PPP4R3B: variants seen among roughly 807,000 people sequenced by gnomAD.
PPP4R3B encodes protein phosphatase 4 regulatory subunit 3B, also known as serine/threonine-protein phosphatase 4 regulatory subunit 3B.
In PPP4R3B, 52 loss-of-function variants were observed where a neutral mutation model predicts 95.4. The observed-to-expected ratio is 0.54, with a 90% confidence interval of 0.44 to 0.69. The LOEUF (loss-of-function observed/expected upper bound fraction) is 0.69. PPP4R3B is among the 30% of genes least tolerant of loss of function. PPP4R3B has a pLI of 0.00. For missense variants in PPP4R3B, 1,003 were observed against 1,005.9 expected, an observed-to-expected ratio of 1.00 and a Z score of 0.04; for synonymous variants, 407 against 343.9, an observed-to-expected ratio of 1.18 and a Z score of -2.03.
At chr2:55,611,473 T>C (rs550267133) in intron 2 of PPP4R3B, among the ~76,000 whole-genome samples, 1 of 152,240 alleles carries the variant, frequency 6.6e-6, no homozygotes, top group East Asian at 1.9e-4. Context: ...CTTAAGTTTA[T>C]TGGGTAAGTA....
intron 4 of PPP4R3B, among the ~76,000 whole-genome samples, chr2:55,596,959 C>T (rs1041992436): frequency 8.6e-5 from 13 of 151,862 alleles, no homozygotes; most frequent in African/African-American, 2.4e-4. Flanking sequence ...AGTGAAACTC[C>T]GTCTCAAAAT....
chr2:55,577,310 C>G lies in PPP4R3B; in HGVS notation c.1606+5G>C. ...TGTATTCATAAAGTATGAATTCATACTTACCGGGACAAATTGTGTTGTTTT... is the reference window on the plus strand; with the variant it reads ...TGTATTCATAAAGTATGAATTCATAGTTACCGGGACAAATTGTGTTGTTTT... On this transcript the variant is annotated splice_donor_5th_base_variant and intron_variant, in intron 11 of 16. Coordinates refer to ENST00000616407, the MANE Select transcript of PPP4R3B (RefSeq NM_001122964.3). The G allele has an allele frequency of 6.4e-7, 1 of 1,551,238 alleles. No individual in the cohort carries two copies. Among genetic ancestry groups the G allele is most frequent in the Non-Finnish European group, 8.7e-7 (1 of 1,155,010 alleles).
At chr2:55,564,804 A>G (rs985540611) in intron 14 of PPP4R3B, 98 bp downstream of exon 14, 3 of 1,437,488 alleles carry the variant, frequency 2.1e-6, no homozygotes, top group Non-Finnish European at 2.9e-6. Flanking sequence ...CAGTGATGGA[A>G]AGAAAATTCC....
chr2:55,608,065 G>T (rs188506224), intron 2 of PPP4R3B, among the ~76,000 whole-genome samples: 2 of 152,270 alleles, frequency 1.3e-5, no homozygotes, highest in South Asian at 4.1e-4. Context: ...GAATGCAGTG[G>T]TGCAATCTTG....
chr2:55,562,084 T>C (rs776086977), intron 15 of PPP4R3B, among the ~76,000 whole-genome samples: 25 of 152,138 alleles, frequency 1.6e-4, no homozygotes, highest in Admixed American at 1.2e-3. Context: ...CCCCTTGCTA[T>C]TTTTGTGATA....
At chr2:55,555,364 TA>T (rs1334925034) in intron 16 of PPP4R3B, among the ~76,000 whole-genome samples, 2 of 151,916 alleles carry the variant, frequency 1.3e-5, no homozygotes, top group African/African-American at 4.8e-5. Flanking sequence ...AAATCTGCCT[TA>T]TTTTTTTTTA....
At chr2:55,576,200 T>A (rs1012707163) in intron 11 of PPP4R3B, among the ~76,000 whole-genome samples, 5 of 151,716 alleles carry the variant, frequency 3.3e-5, no homozygotes, top group Non-Finnish European at 7.4e-5. Context: ...TACAAAAAAA[T>A]TAGTTGGGCG....
At chr2:55,599,458 A>G (rs35255044) in intron 3 of PPP4R3B, among the ~76,000 whole-genome samples, 24,622 of 152,144 alleles carry the variant, frequency 0.16, 2,144 homozygotes, top group East Asian at 0.29. Flanking sequence ...ATAAAAAATT[A>G]AAATAAAATA....
chr2:55,573,242 G>A (rs1055079479), intron 12 of PPP4R3B, among the ~76,000 whole-genome samples: 1 of 152,100 alleles, frequency 6.6e-6, no homozygotes, highest in African/African-American at 2.4e-5. Flanking sequence ...TTATGAAGGT[G>A]ACAGTTTATA....
intron 3 of PPP4R3B, among the ~76,000 whole-genome samples, chr2:55,601,327 G>A (rs934745847): frequency 1.3e-5 from 2 of 151,772 alleles, no homozygotes; most frequent in African/African-American, 4.8e-5. Flanking sequence ...GAGTGACACT[G>A]CTCTGGGAGA....
At chr2:55,559,890 G>A (rs1686369837) in intron 15 of PPP4R3B, among the ~76,000 whole-genome samples, 1 of 152,212 alleles carries the variant, frequency 6.6e-6, no homozygotes, top group South Asian at 2.1e-4. Context: ...GGGTGGCTGA[G>A]GAGGGTGGAT....
Position 55,564,396 on chromosome 2 carries a change from T to A in PPP4R3B, c.2177A>T (p.Lys726Ile), listed in dbSNP as rs767702898. 6.2e-7 allele frequency: 1 copy of A among 1,613,952 alleles called. No homozygotes were observed. Among genetic ancestry groups the A allele is most frequent in the Non-Finnish European group, 8.5e-7 (1 of 1,179,920 alleles). Residue 726 changes from lysine (K) to isoleucine (I), a missense_variant, in exon 15 of 17, where the codon AAA becomes ATA. Lys to Ile is a moderately radical substitution (Grantham distance 102, BLOSUM62 -3). This residue lies in a region of PPP4R3B where 229 missense variants were observed against 194.7 expected (regional missense o/e 1.18). Transcript: ENST00000616407. ...TTTTTCCACTGGTGCCACAACTGCT[T>A]TTCCTTCCTCTTCTTCATCTTCATT... ...WFNEDEEEEG[K>I]AVVAPVEKPK...
intron 4 of PPP4R3B, among the ~76,000 whole-genome samples, chr2:55,594,292 G>C (rs1208010808): frequency 1.8e-5 from 2 of 110,230 alleles, no homozygotes; most frequent in African/African-American, 3.1e-5. Flanking sequence ...TGTGCCCTCT[G>C]AATCTAAAAT....
chr2:55,571,745 C>T (rs1485648878), intron 12 of PPP4R3B, among the ~76,000 whole-genome samples: 2 of 152,202 alleles, frequency 1.3e-5, no homozygotes, highest in South Asian at 4.1e-4. Context: ...CCTGCCTCAG[C>T]TTCCTGAGTA....
chr2:55,579,218 A>C (rs1689109428), intron 9 of PPP4R3B, among the ~76,000 whole-genome samples: 1 of 152,088 alleles, frequency 6.6e-6, no homozygotes, highest in Non-Finnish European at 1.5e-5. Flanking sequence ...AAAAATACTA[A>C]GGAAAAAGCC....
At chr2:55,579,076 G>A (rs1206408029) in intron 9 of PPP4R3B, among the ~76,000 whole-genome samples, 6 of 151,878 alleles carry the variant, frequency 4.0e-5, no homozygotes, top group East Asian at 1.9e-4. Context: ...TAAAACCAAA[G>A]GATTCTGCAC....
rs1370410861 is a variant in PPP4R3B, at chr2:55,547,472, T to G, written c.*2439A>C. Reference sequence around the variant, plus strand: ...AGTCGTTTAAAGACAGCCGCTAACATGGAATTCTCACAATTGTTCTTTTGA... The same window carrying G: ...AGTCGTTTAAAGACAGCCGCTAACAGGGAATTCTCACAATTGTTCTTTTGA... On this transcript the variant is annotated 3_prime_UTR_variant, in exon 17 of 17. Transcript: ENST00000616407. The G allele has an allele frequency of 6.6e-6, 1 of 152,200 alleles. No individual in the cohort carries two copies. Among genetic ancestry groups the G allele is most frequent in the Non-Finnish European group, 1.5e-5 (1 of 68,028 alleles). The allele number at this position is 152,200 out of a possible 1,614,324, so 9.4% of individuals were successfully genotyped here.
In PPP4R3B at chr2:55,600,536, T is replaced by C. The variant is rs142144388; in HGVS notation, c.298-1497A>G. Reference sequence around the variant, plus strand: ...AAATTGTCCTTTCAAAGATCAGTAATGACTTCCCAGAACTGAAAAAGTAAA... The same window carrying C: ...AAATTGTCCTTTCAAAGATCAGTAACGACTTCCCAGAACTGAAAAAGTAAA... On this transcript the variant is annotated intron_variant, in intron 3 of 16. Transcript: ENST00000616407. Among the ~76,000 whole-genome samples, 545 of 147,446 alleles carry C rather than the reference T, an allele frequency of 3.7e-3. 3 individuals carry two copies. The highest frequency in any genetic ancestry group is 0.012 in the African/African-American group (458 of 39,646).
At chr2:55,578,514 T>C (rs1688999304) in intron 9 of PPP4R3B, among the ~76,000 whole-genome samples, 172 bp from the exon 10 acceptor site, 1 of 152,110 alleles carries the variant, frequency 6.6e-6, no homozygotes, top group Admixed American at 6.5e-5. Flanking sequence ...GAAAACCCTC[T>C]GCGATGTGCT....
Sources: allele counts gnomAD v4.1 joint callset (sites outside exome capture counted in the v4.1 genomes callset), GRCh38; gene constraint gnomAD v4.1.1; regional missense constraint gnomAD v4.1.1; transcripts MANE v1.5; gene names NCBI Gene and HGNC (gene_info 2026-07-23, HGNC 2026-07-21).